The following ALDH16A1 variants were observed in gnomAD, a reference collection of about 807,000 sequenced individuals.
ALDH16A1 encodes aldehyde dehydrogenase family 16 member A1.
ALDH16A1 carries 88 observed loss-of-function variants against 96.1 expected under a neutral mutation model. The ratio of observed to expected loss-of-function variants is 0.92; its 90% CI spans 0.77 to 1.09. The LOEUF is 1.09. Among genes scored for constraint, ALDH16A1 ranks in the 50% least tolerant of loss-of-function variants. The pLI is 0.00. For synonymous variants in ALDH16A1, 522 were observed against 496.4 expected, an observed-to-expected ratio of 1.05 and a Z score of -0.69; for missense variants, 1,250 against 1,112.6, an observed-to-expected ratio of 1.12 and a Z score of -1.76.
In ALDH16A1 at chr19:49,470,415, T is replaced by C; in HGVS notation, c.2357T>C (p.Leu786Pro). 1 of 1,608,174 alleles carries C rather than the reference T, an allele frequency of 6.2e-7. No homozygotes were observed. Among genetic ancestry groups the C allele is most frequent in the Non-Finnish European group, 8.5e-7 (1 of 1,177,992 alleles). The change falls in exon 17 of 17, where the codon CTG becomes CCG. Residue 786 changes from leucine (L) to proline (P), a missense_variant. Coordinates refer to ENST00000293350, the MANE Select transcript of ALDH16A1 (RefSeq NM_153329.4). The part of the protein sequence containing the change: ...DQEAEGAGPE[L>P]GLRVARTKAL... Reference sequence around the variant, plus strand: ...GAGGCCGAGGGGGCAGGCCCAGAGCTGGGGCTGCGAGTGGCGCGGACCAAG... The same window carrying C: ...GAGGCCGAGGGGGCAGGCCCAGAGCCGGGGCTGCGAGTGGCGCGGACCAAG...
Position 49,464,629 on chromosome 19 carries a change from C to CA in ALDH16A1, c.1438-2dup. On this transcript the variant is annotated splice_region_variant and splice_polypyrimidine_tract_variant and intron_variant, in intron 11 of 16. Transcript: ENST00000293350. ...CATCCTCTTGACACCGTCCCTCTCA[C>CA]AGGGGCTGTATGAGTATCTGCGGCC... is the stretch of plus-strand genomic sequence containing the variant. 5.0e-6 allele frequency: 8 copies of CA among 1,614,136 alleles called. No homozygotes were observed. The highest frequency in any genetic ancestry group is 6.8e-6 in the Non-Finnish European group (8 of 1,180,006).
chr19:49,464,336 C>T (rs1442476004), intron 10 of ALDH16A1, 73 bp downstream of exon 10: 5 of 1,571,906 alleles, frequency 3.2e-6, no homozygotes, highest in Admixed American at 3.6e-5. Context: ...CCCTGGGTCG[C>T]TCCCCGCGCC....
At chr19:49,460,572 G>T (rs952824628) in intron 4 of ALDH16A1, among the ~76,000 whole-genome samples, 7 of 151,704 alleles carry the variant, frequency 4.6e-5, no homozygotes, top group Non-Finnish European at 7.4e-5. Flanking sequence ...GCACCACCAC[G>T]CCTGGCTAAT....
rs755745021 is a variant in ALDH16A1 at position 49,459,634 on chromosome 19, C to T, written c.321-36C>T. 5.7e-6 allele frequency: 9 copies of T among 1,574,094 alleles called. No homozygotes were observed. The East Asian group carries it at 1.1e-4, about 20-fold the overall frequency. ...CCCAGGACTCTGCAAGGCTGAGGGC[C>T]GTTGGAAAATGAGCACCCTCTTGCT... On this transcript the variant is annotated intron_variant, in intron 3 of 16. Coordinates refer to ENST00000293350, the MANE Select transcript of ALDH16A1 (RefSeq NM_153329.4). The surrounding 1 kb of genome is among the most constrained non-coding windows in gnomAD (Gnocchi z 4.1).
intron 4 of ALDH16A1, among the ~76,000 whole-genome samples, chr19:49,460,278 C>T (rs1187226331): frequency 6.6e-6 from 1 of 152,002 alleles, no homozygotes. Context: ...CTTTCTCTGT[C>T]ACCCTGGCTG....
chr19:49,458,871 G>A, intron 2 of ALDH16A1, 89 bp from the exon 3 acceptor site: 4 of 1,518,156 alleles, frequency 2.6e-6, no homozygotes, highest in Non-Finnish European at 3.6e-6. Flanking sequence ...TTACACTCTT[G>A]GGCTGATCCA....
In ALDH16A1 at chr19:49,468,989, G is replaced by A; in HGVS notation, c.2247+3G>A. 1.2e-6 allele frequency: 2 copies of A among 1,607,794 alleles called. No homozygotes were observed. The highest frequency in any genetic ancestry group is 8.5e-7 in the Non-Finnish European group (1 of 1,176,052). On this transcript the variant is annotated splice_donor_region_variant and intron_variant, in intron 16 of 16. Coordinates refer to ENST00000293350, the MANE Select transcript of ALDH16A1 (RefSeq NM_153329.4). The surrounding 1 kb of genome is among the most constrained non-coding windows in gnomAD (Gnocchi z 4.4). ...TGTGGTATTTCGGATCAGCCCAGGT[G>A]CTCTTTGTTCTGTTTTGCCATCTTC...
intron 13 of ALDH16A1, 55 bp from the exon 14 acceptor site, chr19:49,466,027 G>T (rs1236266788): frequency 1.3e-6 from 2 of 1,537,634 alleles, no homozygotes; most frequent in African/African-American, 2.7e-5. Context: ...GAGGTGGGGT[G>T]TCAGGAGAGC....
At position 49,461,606 on chromosome 19, in the gene ALDH16A1, C is replaced by T. The variant is rs755108562; in HGVS notation, c.578-13C>T. ...CTGGACTCCTGGGCCTTTGAGCTGC[C>T]CCACTTCCCCAGGCTGCACCGTGGT... On this transcript the variant is annotated splice_polypyrimidine_tract_variant and intron_variant, in intron 5 of 16. Transcript: ENST00000293350. The T allele has an allele frequency of 6.4e-7, 1 of 1,556,494 alleles. No individual in the cohort carries two copies. Among genetic ancestry groups the T allele is most frequent in the Non-Finnish European group, 8.7e-7 (1 of 1,153,844 alleles).
At position 49,465,766 on chromosome 19, in the gene ALDH16A1, G is replaced by A; in HGVS notation, c.1597G>A (p.Gly533Arg). The A allele has an allele frequency of 1.2e-6, 2 of 1,613,996 alleles. No homozygotes were observed. The highest frequency in any genetic ancestry group is 2.2e-5 in the South Asian group (2 of 91,080). ...SPAPPYGLFVGGRFQAPGARS... is the reference protein window; with the variant it reads ...SPAPPYGLFVRGRFQAPGARS... The stretch of plus-strand genomic sequence containing the variant: ...AGCACCCCCCTATGGGCTCTTCGTT[G>A]GGGGCCGTTTCCAGGCTCCTGGGGC... The change falls in exon 13 of 17, where the codon GGG becomes AGG. Residue 533 changes from glycine to arginine, a missense_variant. Physicochemically the swap from Gly to Arg is moderately radical, Grantham distance 125 (BLOSUM62 -2). Transcript: ENST00000293350.
At chr19:49,467,734 C>G (rs1021502750) in intron 14 of ALDH16A1, among the ~76,000 whole-genome samples, 1 of 151,862 alleles carries the variant, frequency 6.6e-6, no homozygotes, top group Admixed American at 6.6e-5. Context: ...TTCTGGGATA[C>G]ATGTGCAGAA....
chr19:49,463,918 T>A lies in ALDH16A1; in HGVS notation c.1163T>A (p.Leu388Gln). The A allele has an allele frequency of 6.2e-7, 1 of 1,613,008 alleles. No homozygotes were observed. The highest frequency in any genetic ancestry group is 8.5e-7 in the Non-Finnish European group (1 of 1,179,388). ...TATCCCCCAACCTTGGTCTCCAACC[T>A]GCCCCCAGCCTCCCCATGTGCCCAG... The part of the protein sequence containing the change: ...PFYPPTLVSN[L>Q]PPASPCAQVE... The change falls in exon 9 of 17, where the codon CTG becomes CAG. Residue 388 changes from leucine to glutamine, a missense_variant. Coordinates refer to ENST00000293350, the MANE Select transcript of ALDH16A1 (RefSeq NM_153329.4).
rs1568657414 is a variant in ALDH16A1 at position 49,468,347 on chromosome 19, CCCTGCCCCACA to C, written c.1939-32_1939-22del. On this transcript the variant is annotated intron_variant, in intron 14 of 16. Transcript: ENST00000293350. This position sits in a 1 kb window ranked among gnomAD's most constrained non-coding sequence, Gnocchi z 4.4. ...CTCTCATTTACTGCGGGCGGGGCTCCCCTGCCCCACACGTGACCCACCTGTCCCTGCAGGTA... is the reference window on the plus strand; with the variant it reads ...CTCTCATTTACTGCGGGCGGGGCTCCCGTGACCCACCTGTCCCTGCAGGTA... The C allele has an allele frequency of 6.3e-7, 1 of 1,589,150 alleles. No homozygotes were observed. Among genetic ancestry groups the C allele is most frequent in the Non-Finnish European group, 8.5e-7 (1 of 1,174,052 alleles).
chr19:49,463,859 C>T lies in ALDH16A1; in HGVS notation c.1104C>T (p.Phe368=). 1 of 1,612,976 alleles carries T rather than the reference C, an allele frequency of 6.2e-7. No homozygotes were observed. The highest frequency in any genetic ancestry group is 8.5e-7 in the Non-Finnish European group (1 of 1,179,346). The change falls in exon 9 of 17, where the codon TTC becomes TTT. Residue 368 remains phenylalanine (F), a synonymous_variant. Transcript: ENST00000293350. ...TAGATCATTTCTCTCCCTAGGTGTT[C>T]CAGGCTGGTGATGTGCCTTCGGAAC... is the stretch of plus-strand genomic sequence containing the variant. ...REAQSQGAQV[F]QAGDVPSERP... is the part of the protein sequence containing the mutation.
rs371051913 is a variant in ALDH16A1 at position 49,459,049 on chromosome 19, G to A, written c.283G>A (p.Ala95Thr). The stretch of plus-strand genomic sequence containing the variant: ...CAGGATGGCATTTAAGGGCTGGAGT[G>A]CGCACCCCGGCGTCGTCCGGGCCCA... ...AARMAFKGWS[A>T]HPGVVRAQHL... The change falls in exon 3 of 17, where the codon GCG (alanine) becomes ACG (threonine). Residue 95 changes from alanine to threonine, a missense_variant. Coordinates refer to ENST00000293350, the MANE Select transcript of ALDH16A1 (RefSeq NM_153329.4). The surrounding 1 kb of genome is among the most constrained non-coding windows in gnomAD (Gnocchi z 4.1). 13 of 1,613,138 alleles carry A rather than the reference G, an allele frequency of 8.1e-6. No individual in the cohort carries two copies. Among genetic ancestry groups the A allele is most frequent in the Non-Finnish European group, 1.1e-5 (13 of 1,180,018 alleles).
intron 1 of ALDH16A1, among the ~76,000 whole-genome samples, chr19:49,458,030 A>G (rs540453750): frequency 1.3e-5 from 2 of 152,038 alleles, no homozygotes; most frequent in African/African-American, 2.4e-5. Flanking sequence ...CCTGACCAAC[A>G]TGGTGAAACC....
Position 49,461,743 on chromosome 19 carries a change from G to A in ALDH16A1, c.702G>A (p.Val234=), listed in dbSNP as rs373408495. ...LNVLSGPASL[V]PILASQPGIR... The stretch of plus-strand genomic sequence containing the variant: ...TCCTCAGTGGCCCTGCGTCCCTGGT[G>A]CCCATCCTGGCCTCCCAGCCTGGAA... The change falls in exon 6 of 17, where the codon GTG becomes GTA. Residue 234 remains valine, a synonymous_variant. Coordinates refer to ENST00000293350, the MANE Select transcript of ALDH16A1 (RefSeq NM_153329.4). 3.1e-5 allele frequency: 50 copies of A among 1,609,968 alleles called. No homozygotes were observed. Among genetic ancestry groups the A allele is most frequent in the Non-Finnish European group, 4.2e-5 (49 of 1,178,272 alleles).
In ALDH16A1 at chr19:49,459,398, A is replaced by G. The variant is rs923411367; in HGVS notation, c.321-272A>G. On this transcript the variant is annotated intron_variant, in intron 3 of 16. Transcript: ENST00000293350. This position sits in a 1 kb window ranked among gnomAD's most constrained non-coding sequence, Gnocchi z 4.1. Reference sequence around the variant, plus strand: ...CGGGGAAGCTAGAGACAAAAATTCCATTTCCCAAAACGCAATTGAGGTTAG... The same window carrying G: ...CGGGGAAGCTAGAGACAAAAATTCCGTTTCCCAAAACGCAATTGAGGTTAG... 6.6e-6 allele frequency among the ~76,000 whole-genome samples: 1 copy of G among 152,186 alleles called. No homozygotes were observed. The highest frequency in any genetic ancestry group is 1.5e-5 in the Non-Finnish European group (1 of 68,028).
At chr19:49,460,666 G>A (rs1194507133) in intron 4 of ALDH16A1, among the ~76,000 whole-genome samples, 156 bp from the exon 5 acceptor site, 4 of 150,400 alleles carry the variant, frequency 2.7e-5, no homozygotes, top group Admixed American at 6.6e-5. Context: ...CGCCCACCTC[G>A]ACCTCCCAAA....
Sources: allele counts gnomAD v4.1 joint callset (sites outside exome capture counted in the v4.1 genomes callset), GRCh38; gene constraint gnomAD v4.1.1; non-coding constraint Gnocchi (gnomAD v3.1); transcripts MANE v1.5; gene names NCBI Gene and HGNC (gene_info 2026-07-23, HGNC 2026-07-21).